Variants in ADGRL3 observed in about 807,000 individuals in gnomAD.
ADGRL3 encodes calcium-independent alpha-latrotoxin receptor 3.
Under a neutral mutation model 153.5 loss-of-function variants are expected in ADGRL3, and 62 were observed. That is an observed-to-expected ratio of 0.40 (90% CI 0.33 to 0.50). The LOEUF is 0.50. Among genes scored for constraint, ADGRL3 ranks in the 20% least tolerant of loss-of-function variants. ADGRL3 has a pLI of 0.47. For synonymous variants in ADGRL3, 710 were observed against 672.5 expected (o/e 1.06, Z -0.86); for missense variants, 1,641 against 1,859.4 (o/e 0.88, Z 2.16).
chr4:61,972,822 A>C (rs1438813673), intron 17 of ADGRL3, among the ~76,000 whole-genome samples: 2 of 151,982 alleles, frequency 1.3e-5, no homozygotes, highest in African/African-American at 4.8e-5. Flanking sequence ...TTTGTATCGA[A>C]GAGGCAATTT....
chr4:61,433,891 T>A (rs1205032336), intron 2 of ADGRL3, among the ~76,000 whole-genome samples: 2 of 152,192 alleles, frequency 1.3e-5, no homozygotes, highest in Non-Finnish European at 2.9e-5. Context: ...TAATATTCCC[T>A]TCATGTCAAA....
chr4:61,907,604 A>G (rs1040137635), intron 11 of ADGRL3, among the ~76,000 whole-genome samples: 2 of 150,506 alleles, frequency 1.3e-5, no homozygotes, highest in African/African-American at 4.9e-5. Flanking sequence ...TATATATATG[A>G]TATATGTATA....
chr4:61,755,996 A>G (rs994116372), intron 8 of ADGRL3, among the ~76,000 whole-genome samples: 1 of 152,182 alleles, frequency 6.6e-6, no homozygotes, highest in African/African-American at 2.4e-5. Flanking sequence ...TTTTGGTACC[A>G]GTACCATGCT....
chr4:61,749,594 T>C (rs1209017896), intron 8 of ADGRL3, among the ~76,000 whole-genome samples: 5 of 151,816 alleles, frequency 3.3e-5, no homozygotes, highest in South Asian at 2.1e-4. Context: ...TCATTCTCAG[T>C]AAACTATCAC....
chr4:61,259,969 G>A (rs933847901), intron 1 of ADGRL3, among the ~76,000 whole-genome samples: 2 of 151,980 alleles, frequency 1.3e-5, no homozygotes, highest in African/African-American at 4.8e-5. Context: ...GAGGCTTCAG[G>A]GATTCCCCCC....
At chr4:61,640,072 A>C (rs530746515) in intron 5 of ADGRL3, among the ~76,000 whole-genome samples, 2 of 152,260 alleles carry the variant, frequency 1.3e-5, no homozygotes, top group East Asian at 3.9e-4. Context: ...AAGTGGCCAG[A>C]ATAGTTAACA....
chr4:61,682,941 C>A (rs2095368235), intron 6 of ADGRL3, among the ~76,000 whole-genome samples: 2 of 152,010 alleles, frequency 1.3e-5, no homozygotes, highest in Admixed American at 1.3e-4. Context: ...GGAGTTCAGT[C>A]AAGTGGGGCT....
chr4:61,405,551 C>A (rs1333557794), intron 2 of ADGRL3, among the ~76,000 whole-genome samples: 2 of 151,858 alleles, frequency 1.3e-5, no homozygotes, highest in Non-Finnish European at 2.9e-5. Context: ...TGTCTTCTGG[C>A]AAACATCACT....
rs71281828 is a variant in ADGRL3 at position 61,781,331 on chromosome 4, C to CAAAAAAAAAAAAAAAAAAAAAA, written c.1400-32462_1400-32461insAAAAAAAAAAAAAAAAAAAAAA. On this transcript the variant is annotated intron_variant, in intron 8 of 26. Coordinates refer to ENST00000683033, the MANE Select transcript of ADGRL3 (RefSeq NM_001387552.1). Reference sequence around the variant, plus strand: ...GGCAAAAAGAGCAAAATTCTGCCTCCAAAAAAAAAAAAAAAAGAAAAGAAA... The same window carrying CAAAAAAAAAAAAAAAAAAAAAA: ...GGCAAAAAGAGCAAAATTCTGCCTCCAAAAAAAAAAAAAAAAAAAAAAAAAAAAAAAAAAAAAAGAAAAGAAA... Among the ~76,000 whole-genome samples the CAAAAAAAAAAAAAAAAAAAAAA allele has an allele frequency of 2.3e-4, 15 of 64,404 alleles. 1 individual carries two copies. Among genetic ancestry groups the CAAAAAAAAAAAAAAAAAAAAAA allele is most frequent in the African/African-American group, 1.0e-3 (15 of 15,054 alleles). The allele number at this position is 64,404 out of a possible 152,430, so 42.3% of individuals were successfully genotyped here. A position where few individuals can be genotyped will look rare whatever the true frequency, so the allele number is the denominator to read the frequency against.
rs1260344615 is a variant in ADGRL3, at chr4:61,314,947, C to T, written c.-239-68177C>T. ...CTATTATCTGATTATCTGTATCATT[C>T]ATTAATTCATTCAATGGATACTTAC... On this transcript the variant is annotated intron_variant, in intron 1 of 26. Transcript: ENST00000683033. 3.9e-5 allele frequency among the ~76,000 whole-genome samples: 6 copies of T among 152,180 alleles called. No homozygotes were observed. In the East Asian group the frequency reaches 9.6e-4, roughly 24 times the overall value.
chr4:61,402,904 A>G (rs1248700288), intron 2 of ADGRL3, among the ~76,000 whole-genome samples: 1 of 152,054 alleles, frequency 6.6e-6, no homozygotes, highest in East Asian at 1.9e-4. Flanking sequence ...ACAAAATGCC[A>G]TTGTTTAGGT....
At chr4:61,239,060 A>G (rs1753918201) in intron 1 of ADGRL3, among the ~76,000 whole-genome samples, 1 of 152,132 alleles carries the variant, frequency 6.6e-6, no homozygotes, top group South Asian at 2.1e-4. Context: ...CCTTCTTCAT[A>G]GTTACTCCTT....
At chr4:61,503,759 A>C (rs943685282) in intron 3 of ADGRL3, among the ~76,000 whole-genome samples, 2 of 152,156 alleles carry the variant, frequency 1.3e-5, no homozygotes, top group Non-Finnish European at 2.9e-5. Flanking sequence ...ATGAATACAT[A>C]ATATTTGTAC....
At chr4:61,341,536 TAC>T (rs764383534) in intron 1 of ADGRL3, among the ~76,000 whole-genome samples, 29 of 151,452 alleles carry the variant, frequency 1.9e-4, no homozygotes, top group Admixed American at 5.3e-4. Flanking sequence ...TATATATATA[TAC>T]ACACACATTT....
chr4:61,449,244 T>C (rs1293495931), intron 2 of ADGRL3, among the ~76,000 whole-genome samples: 1 of 152,098 alleles, frequency 6.6e-6, no homozygotes, highest in Non-Finnish European at 1.5e-5. Context: ...CAAGCAATTC[T>C]TCTGCCTCAG....
chr4:61,871,165 C>T (rs1400713430), intron 9 of ADGRL3, among the ~76,000 whole-genome samples: 1 of 151,932 alleles, frequency 6.6e-6, no homozygotes, highest in Non-Finnish European at 1.5e-5. Flanking sequence ...GCAGTCCCAA[C>T]TACTCAGCAG....
chr4:62,070,408 C>T lies in ADGRL3; in HGVS notation c.4132C>T (p.Leu1378=), dbSNP rs1486844860. 1.3e-6 allele frequency: 2 copies of T among 1,551,840 alleles called. No homozygotes were observed. Among genetic ancestry groups the T allele is most frequent in the African/African-American group, 1.4e-5 (1 of 72,934 alleles). Residue 1378 remains leucine (L), a synonymous_variant, in exon 27 of 27, where the codon CTG becomes TTG. Transcript: ENST00000683033. ...GSGREDDAIV[L]DDATSFNHEE... The stretch of plus-strand genomic sequence containing the variant: ...TGGAAGGGAAGATGATGCCATTGTC[C>T]TGGATGATGCCACCTCGTTTAACCA...
chr4:61,305,933 C>T (rs1200081356), intron 1 of ADGRL3, among the ~76,000 whole-genome samples: 2 of 151,932 alleles, frequency 1.3e-5, no homozygotes, highest in Non-Finnish European at 2.9e-5. Context: ...CAGTCATTGT[C>T]GTTATGATTG....
chr4:61,582,023 G>A (rs2098928033), intron 4 of ADGRL3, among the ~76,000 whole-genome samples: 1 of 151,918 alleles, frequency 6.6e-6, no homozygotes, highest in South Asian at 2.1e-4. Flanking sequence ...AGGATTTGGA[G>A]TAAACAAAAT....
Sources: gnomAD v4.1 joint callset for allele counts (sites outside exome capture counted in the v4.1 genomes callset) on GRCh38, gnomAD v4.1.1 for gene constraint, MANE v1.5 for transcripts, NCBI Gene and HGNC (gene_info 2026-07-23, HGNC 2026-07-21) for gene names.